Variants in CSMD1 observed in about 807,000 individuals in gnomAD.
The protein encoded by CSMD1 is CUB and Sushi multiple domains 1.
In CSMD1, 213 loss-of-function variants were observed where a neutral mutation model predicts 417.5. The ratio of observed to expected loss-of-function variants is 0.51; its 90% CI spans 0.46 to 0.57. The LOEUF is 0.57. CSMD1 is among the 20% of genes least tolerant of loss of function. The pLI is 0.00. For synonymous variants in CSMD1, 2,862 were observed against 1,736.8 expected (o/e 1.65, Z -16.11); for missense variants, 6,923 against 4,529.7 (o/e 1.53, Z -15.17).
chr8:3,513,415 C>T (rs1488558940), intron 10 of CSMD1, among the ~76,000 whole-genome samples: 1 of 151,560 alleles, frequency 6.6e-6, no homozygotes, highest in African/African-American at 2.4e-5. Flanking sequence ...CAACCTCTGC[C>T]TCCCAGGATC....
At chr8:3,178,632 A>T (rs1821089989) in intron 37 of CSMD1, among the ~76,000 whole-genome samples, 1 of 152,184 alleles carries the variant, frequency 6.6e-6, no homozygotes, top group Non-Finnish European at 1.5e-5. Flanking sequence ...TTCAGTTGGA[A>T]GAAATGAGCA....
intron 7 of CSMD1, among the ~76,000 whole-genome samples, chr8:3,630,365 C>G (rs1255194570): frequency 6.6e-6 from 1 of 152,174 alleles, no homozygotes; most frequent in East Asian, 1.9e-4. Flanking sequence ...CAGCAGAAGC[C>G]AAGCCCTCAG....
chr8:3,178,060 T>C (rs974483595), intron 37 of CSMD1, among the ~76,000 whole-genome samples: 1 of 152,204 alleles, frequency 6.6e-6, no homozygotes, highest in African/African-American at 2.4e-5. Context: ...TTACTTGGAT[T>C]CTGTAAGATT....
chr8:4,833,279 T>A (rs1421679136), intron 1 of CSMD1, among the ~76,000 whole-genome samples: 1 of 152,106 alleles, frequency 6.6e-6, no homozygotes, highest in Admixed American at 6.5e-5. Flanking sequence ...TCAGGAAACT[T>A]ACAACCATGG....
At chr8:4,451,895 C>T (rs947057434) in intron 2 of CSMD1, among the ~76,000 whole-genome samples, 2 of 150,774 alleles carry the variant, frequency 1.3e-5, no homozygotes, top group Non-Finnish European at 3.0e-5. Flanking sequence ...TTTTTTCTTC[C>T]ACACTAAAAT....
intron 3 of CSMD1, among the ~76,000 whole-genome samples, chr8:4,260,490 A>G (rs1803801438): frequency 6.6e-6 from 1 of 152,172 alleles, no homozygotes; most frequent in South Asian, 2.1e-4. Context: ...TGAAGTAAAT[A>G]CAAGGCAAAC....
chr8:3,494,322 A>G (rs1796270067), intron 10 of CSMD1, among the ~76,000 whole-genome samples: 1 of 152,228 alleles, frequency 6.6e-6, no homozygotes, highest in Non-Finnish European at 1.5e-5. Flanking sequence ...TTGATGTGCC[A>G]GTATATTATA....
intron 30 of CSMD1, among the ~76,000 whole-genome samples, chr8:3,211,907 TG>T (rs1797632060): frequency 6.6e-6 from 1 of 152,058 alleles, no homozygotes; most frequent in South Asian, 2.1e-4. Context: ...CCCAGGCTGG[TG>T]GCAAGACAAG....
At chr8:3,710,131 T>G (rs1801425061) in intron 6 of CSMD1, among the ~76,000 whole-genome samples, 1 of 151,920 alleles carries the variant, frequency 6.6e-6, no homozygotes, top group Non-Finnish European at 1.5e-5. Flanking sequence ...TTTGGATTTT[T>G]TTCCTGATAT....
At chr8:3,488,658 G>C (rs1818194325) in intron 11 of CSMD1, among the ~76,000 whole-genome samples, 1 of 152,028 alleles carries the variant, frequency 6.6e-6, no homozygotes, top group African/African-American at 2.4e-5. Flanking sequence ...CATAATATTT[G>C]GCATTCAATA....
intron 21 of CSMD1, among the ~76,000 whole-genome samples, chr8:3,356,284 G>C (rs6998239): frequency 0.041 from 6,207 of 152,288 alleles, 422 homozygotes; most frequent in African/African-American, 0.14. Flanking sequence ...AGAGAACCTT[G>C]TGAGGAAAGC....
intron 4 of CSMD1, among the ~76,000 whole-genome samples, chr8:4,022,340 G>C (rs191364769): frequency 2.6e-5 from 4 of 152,000 alleles, no homozygotes; most frequent in Admixed American, 2.6e-4. Flanking sequence ...CAATTCAGCA[G>C]AAGTGAATAG....
chr8:4,837,658 CA>C (rs563176303), intron 1 of CSMD1, among the ~76,000 whole-genome samples: 2 of 151,148 alleles, frequency 1.3e-5, no homozygotes, highest in African/African-American at 4.9e-5. Flanking sequence ...TTAACAGGTA[CA>C]AAAAAAAGTT....
At chr8:4,737,039 G>A (rs1563254369) in intron 1 of CSMD1, among the ~76,000 whole-genome samples, 1 of 152,126 alleles carries the variant, frequency 6.6e-6, no homozygotes, top group African/African-American at 2.4e-5. Flanking sequence ...GCACATGTAA[G>A]TTTATTGCAG....
intron 7 of CSMD1, among the ~76,000 whole-genome samples, chr8:3,668,115 G>C (rs1190477106): frequency 1.3e-5 from 2 of 152,148 alleles, no homozygotes; most frequent in South Asian, 2.1e-4. Flanking sequence ...AATGGGGAGA[G>C]AGCGTTGAAC....
At chr8:3,849,821 G>GGTTTTT (rs111485628) in intron 5 of CSMD1, among the ~76,000 whole-genome samples, 62,917 of 151,082 alleles carry the variant, frequency 0.42, 14,734 homozygotes, top group African/African-American at 0.65. Flanking sequence ...TTTTTTGTTT[G>GGTTTTT]GTTTTTGTTT....
intron 42 of CSMD1, chr8:3,113,181 G>C (rs541712703): frequency 1.3e-5 from 2 of 152,348 alleles, no homozygotes; most frequent in African/African-American, 2.4e-5. Context: ...GCTCTGCGTG[G>C]AGCACAGCAG....
In CSMD1 at chr8:2,949,324, A is replaced by G. The variant is rs758007040; in HGVS notation, c.10377T>C (p.Phe3459=). ...TFQGDIHGKD[F]GKFKLERQDP... ...CTTGCCTTTCTAGCTTAAATTTTCCAAAGTCTTTTCCATGAATGTCACCTT... is the reference window on the plus strand; with the variant it reads ...CTTGCCTTTCTAGCTTAAATTTTCCGAAGTCTTTTCCATGAATGTCACCTT... Residue 3459 remains phenylalanine (F), a synonymous_variant, in exon 68 of 70, where the codon TTT becomes TTC. Transcript: ENST00000635120. 6.2e-7 allele frequency: 1 copy of G among 1,607,542 alleles called. No homozygotes were observed. Among genetic ancestry groups the G allele is most frequent in the Non-Finnish European group, 8.5e-7 (1 of 1,175,914 alleles).
intron 5 of CSMD1, among the ~76,000 whole-genome samples, chr8:3,980,005 C>A (rs1405096122): frequency 6.6e-6 from 1 of 152,212 alleles, no homozygotes; most frequent in Non-Finnish European, 1.5e-5. Context: ...CTCACAGATA[C>A]TTCAAACTGT....
Sources: gnomAD v4.1 joint callset for allele counts (sites outside exome capture counted in the v4.1 genomes callset) on GRCh38, gnomAD v4.1.1 for gene constraint, MANE v1.5 for transcripts, NCBI Gene and HGNC (gene_info 2026-07-23, HGNC 2026-07-21) for gene names.